The following CELF4 variants were observed in gnomAD, a reference collection of about 807,000 sequenced individuals.
CELF4 encodes CUGBP Elav-like family member 4.
A neutral mutation model predicts 59.9 loss-of-function variants in CELF4; 18 were observed. The observed-to-expected ratio is 0.30, with a 90% CI of 0.21 to 0.45. CELF4 has a LOEUF of 0.45. Among genes scored for constraint, CELF4 ranks in the 20% least tolerant of loss-of-function variants. The probability of loss-of-function intolerance (pLI) is 1.00; values close to 1 mark genes in which losing one functional copy is unlikely to be tolerated. For synonymous variants in CELF4, 261 were observed against 267.1 expected (o/e 0.98, Z 0.22); for missense variants, 456 against 689.0 (o/e 0.66, Z 3.79).
Position 37,444,781 on chromosome 18 carries a change from C to T in CELF4, c.369+40744G>A, listed in dbSNP as rs112712469. ...ACAGGCTCAGGAGGGGCCCTCCAGACGAGGCTCCCCATTCCCTTCTGCCTC... is the reference window on the plus strand; with the variant it reads ...ACAGGCTCAGGAGGGGCCCTCCAGATGAGGCTCCCCATTCCCTTCTGCCTC... On this transcript the variant is annotated intron_variant, in intron 2 of 12. Coordinates refer to ENST00000420428, the MANE Select transcript of CELF4 (RefSeq NM_020180.4). Among the ~76,000 whole-genome samples, 20 of 152,204 alleles carry T rather than the reference C, an allele frequency of 1.3e-4. 1 individual carries two copies. Among genetic ancestry groups the T allele is most frequent in the South Asian group, 4.2e-4 (2 of 4,818 alleles).
At chr18:37,550,084 G>GGGGT (rs1555649121) in intron 1 of CELF4, among the ~76,000 whole-genome samples, 1 of 58,796 alleles carries the variant, frequency 1.7e-5, no homozygotes, top group African/African-American at 1.5e-4. Context: ...TCCAATGGGT[G>GGGGT]GGGGGGGGGG....
rs79820661 is a variant in CELF4 at position 37,293,216 on chromosome 18, C to T, written c.449-17973G>A. Among the ~76,000 whole-genome samples, 66 of 152,352 alleles carry T rather than the reference C, an allele frequency of 4.3e-4. 1 individual carries two copies. In the East Asian group the frequency reaches 7.3e-3, roughly 17 times the overall value. Reference sequence around the variant, plus strand: ...ACAAACTGGGTGGCTTAGAGCAACACGGATCTATTCTCTCACGGTTCTGGA... The same window carrying T: ...ACAAACTGGGTGGCTTAGAGCAACATGGATCTATTCTCTCACGGTTCTGGA... On this transcript the variant is annotated intron_variant, in intron 3 of 12. Coordinates refer to ENST00000420428, the MANE Select transcript of CELF4 (RefSeq NM_020180.4).
At chr18:37,356,457 G>T (rs996705266) in intron 2 of CELF4, among the ~76,000 whole-genome samples, 1 of 152,132 alleles carries the variant, frequency 6.6e-6, no homozygotes, top group Non-Finnish European at 1.5e-5. Flanking sequence ...CAGAGGTGCT[G>T]GGAAGGTCAA....
At chr18:37,550,883 C>T (rs2099982993) in intron 1 of CELF4, among the ~76,000 whole-genome samples, 1 of 152,206 alleles carries the variant, frequency 6.6e-6, no homozygotes, top group Admixed American at 6.5e-5. Context: ...AGGCACGTGG[C>T]AACAGAGATG....
intron 2 of CELF4, among the ~76,000 whole-genome samples, chr18:37,427,273 A>C (rs1265480195): frequency 6.6e-6 from 1 of 152,078 alleles, no homozygotes; most frequent in African/African-American, 2.4e-5. Flanking sequence ...TTCTTCTGTA[A>C]AGTTTTCAAT....
intron 2 of CELF4, among the ~76,000 whole-genome samples, chr18:37,363,135 C>G (rs1481479460): frequency 6.6e-6 from 1 of 152,148 alleles, no homozygotes; most frequent in East Asian, 1.9e-4. Flanking sequence ...AAAGACCCTC[C>G]TGGTGCACTA....
chr18:37,501,607 C>T (rs1435197640), intron 1 of CELF4, among the ~76,000 whole-genome samples: 2 of 152,198 alleles, frequency 1.3e-5, no homozygotes, highest in African/African-American at 4.8e-5. Context: ...GTGTGTGGCC[C>T]AGTAACCAAG....
chr18:37,315,086 AC>A (rs1295832678), intron 3 of CELF4, among the ~76,000 whole-genome samples: 1 of 151,806 alleles, frequency 6.6e-6, no homozygotes, highest in Admixed American at 6.6e-5. Flanking sequence ...AGGGTGGCAG[AC>A]CCTGGAAGGT....
At chr18:37,380,927 T>C (rs760572563) in intron 2 of CELF4, among the ~76,000 whole-genome samples, 1 of 151,642 alleles carries the variant, frequency 6.6e-6, no homozygotes, top group Non-Finnish European at 1.5e-5. Flanking sequence ...CCTCCATTCA[T>C]CCATGAATTC....
chr18:37,391,783 G>A (rs961644747), intron 2 of CELF4, among the ~76,000 whole-genome samples: 3 of 152,230 alleles, frequency 2.0e-5, no homozygotes, highest in African/African-American at 7.2e-5. Context: ...GACACTGAGT[G>A]TCTGGGGGGA....
At chr18:37,517,591 G>T (rs564876175) in intron 1 of CELF4, among the ~76,000 whole-genome samples, 1 of 152,140 alleles carries the variant, frequency 6.6e-6, no homozygotes, top group Admixed American at 6.5e-5. Flanking sequence ...ACAGTTGGTC[G>T]CCCCGTGTCT....
At chr18:37,557,008 C>T (rs1249275809) in intron 1 of CELF4, among the ~76,000 whole-genome samples, 3 of 152,040 alleles carry the variant, frequency 2.0e-5, no homozygotes, top group East Asian at 1.9e-4. Flanking sequence ...CTTCAGTGGG[C>T]ACCAAGACTC....
chr18:37,517,372 A>T (rs1941941), intron 1 of CELF4, among the ~76,000 whole-genome samples: 98,873 of 151,788 alleles, frequency 0.65, 34,931 homozygotes, highest in East Asian at 0.84. Flanking sequence ...GGTGTTTGGC[A>T]TATGGTGATG....
At chr18:37,296,883 T>C (rs538217947) in intron 3 of CELF4, among the ~76,000 whole-genome samples, 1 of 152,222 alleles carries the variant, frequency 6.6e-6, no homozygotes, top group Non-Finnish European at 1.5e-5. Context: ...AGGACGCCCC[T>C]TCACCCCCAA....
At chr18:37,504,612 A>C (rs1603642872) in intron 1 of CELF4, among the ~76,000 whole-genome samples, 1 of 152,178 alleles carries the variant, frequency 6.6e-6, no homozygotes, top group Admixed American at 6.5e-5. Flanking sequence ...GGGTTAAGTG[A>C]GAACACACAT....
chr18:37,558,854 G>T (rs149381200), intron 1 of CELF4, among the ~76,000 whole-genome samples: 1 of 151,144 alleles, frequency 6.6e-6, no homozygotes, highest in African/African-American at 2.4e-5. Flanking sequence ...AAGGAAAGTC[G>T]CCTGGAATAC....
At chr18:37,391,038 T>G (rs1048413591) in intron 2 of CELF4, among the ~76,000 whole-genome samples, 1 of 152,126 alleles carries the variant, frequency 6.6e-6, no homozygotes, top group East Asian at 1.9e-4. Context: ...GGAGGCTGCC[T>G]GCCTCAGTCA....
At chr18:37,450,710 T>A (rs971197294) in intron 2 of CELF4, among the ~76,000 whole-genome samples, 4 of 151,990 alleles carry the variant, frequency 2.6e-5, no homozygotes, top group Non-Finnish European at 5.9e-5. Context: ...CCTCACCTCA[T>A]GGGCTCCCCA....
chr18:37,508,019 A>G (rs1279828375), intron 1 of CELF4, among the ~76,000 whole-genome samples: 1 of 152,142 alleles, frequency 6.6e-6, no homozygotes, highest in African/African-American at 2.4e-5. Context: ...GCCCAGGTCC[A>G]GACCTCGCCA....
Sources: gnomAD v4.1 joint callset for allele counts (sites outside exome capture counted in the v4.1 genomes callset) on GRCh38, gnomAD v4.1.1 for gene constraint, MANE v1.5 for transcripts, NCBI Gene and HGNC (gene_info 2026-07-23, HGNC 2026-07-21) for gene names.